GPC5: variants seen among roughly 807,000 people sequenced by gnomAD.
GPC5 encodes the protein glypican 5.
In GPC5, 47 loss-of-function variants were observed where a neutral mutation model predicts 53.9. The observed-to-expected ratio is 0.87, with a 90% CI of 0.69 to 1.11. The LOEUF (loss-of-function observed/expected upper bound fraction) is 1.11. GPC5 is among the 50% of genes most tolerant of loss of function. GPC5 has a pLI of 0.00. For synonymous variants in GPC5, 286 were observed against 263.3 expected (o/e 1.09, Z -0.84); for missense variants, 748 against 713.1 (o/e 1.05, Z -0.56).
intron 7 of GPC5, among the ~76,000 whole-genome samples, chr13:92,652,481 G>T (rs1339260691): frequency 3.9e-5 from 6 of 151,986 alleles, no homozygotes; most frequent in Non-Finnish European, 8.8e-5. Flanking sequence ...AGTTTTCTCT[G>T]CTGGTTCACT....
At chr13:91,755,898 G>C (rs541115088) in intron 4 of GPC5, among the ~76,000 whole-genome samples, 3 of 151,920 alleles carry the variant, frequency 2.0e-5, no homozygotes, top group African/African-American at 7.2e-5. Flanking sequence ...TAGTACTCTC[G>C]TGGTGGCTTA....
rs1566454832 is a variant in GPC5, at chr13:92,144,846, C to G, written c.1418C>G (p.Ser473Ter). 3 of 1,611,304 alleles carry G rather than the reference C, an allele frequency of 1.9e-6. No homozygotes were observed. Among genetic ancestry groups the G allele is most frequent in the East Asian group, 4.5e-5 (2 of 44,542 alleles). Residue 473 changes from serine to a stop codon, truncating the protein, a stop_gained, in exon 7 of 8, where the codon TCA (serine) becomes TGA (stop). Transcript: ENST00000377067. LOFTEE classifies it high-confidence loss of function. ...KHVVQLLQGR[S>*]PKPDKWELLQ... The stretch of plus-strand genomic sequence containing the variant: ...TACAATTAGTTGTTACAGGGTAGAT[C>G]ACCCAAACCTGACAAGTGGGAACTT...
chr13:92,362,657 T>C (rs1001780520), intron 7 of GPC5, among the ~76,000 whole-genome samples: 1 of 151,830 alleles, frequency 6.6e-6, no homozygotes, highest in Non-Finnish European at 1.5e-5. Flanking sequence ...TAGGTTTTGA[T>C]GGCCCTTTGG....
At chr13:92,225,779 T>G (rs2042481456) in intron 7 of GPC5, among the ~76,000 whole-genome samples, 1 of 152,212 alleles carries the variant, frequency 6.6e-6, no homozygotes, top group Admixed American at 6.5e-5. Context: ...ATAAACTTTT[T>G]CAAAGGCCCA....
intron 7 of GPC5, among the ~76,000 whole-genome samples, chr13:92,487,530 C>T (rs1383223671): frequency 6.6e-6 from 1 of 152,120 alleles, no homozygotes; most frequent in Non-Finnish European, 1.5e-5. Flanking sequence ...GACTCCTTCT[C>T]CTACAAAGAA....
intron 2 of GPC5, among the ~76,000 whole-genome samples, chr13:91,618,554 G>A (rs767189397): frequency 1.3e-5 from 2 of 152,052 alleles, no homozygotes; most frequent in Non-Finnish European, 2.9e-5. Context: ...TAAGGACTGC[G>A]GAATTAGAAC....
At chr13:91,923,442 G>T (rs1048395651) in intron 6 of GPC5, among the ~76,000 whole-genome samples, 2 of 152,146 alleles carry the variant, frequency 1.3e-5, no homozygotes, top group African/African-American at 4.8e-5. Context: ...GAATATGCTT[G>T]TAGGGAATCA....
At chr13:91,949,345 G>A (rs1242290785) in intron 6 of GPC5, among the ~76,000 whole-genome samples, 1 of 152,064 alleles carries the variant, frequency 6.6e-6, no homozygotes, top group Non-Finnish European at 1.5e-5. Flanking sequence ...TATTACAAAT[G>A]GTTTTACCAC....
At chr13:92,442,923 T>C (rs975712249) in intron 7 of GPC5, among the ~76,000 whole-genome samples, 5 of 152,144 alleles carry the variant, frequency 3.3e-5, no homozygotes, top group Admixed American at 6.6e-5. Context: ...TCCTGATCCT[T>C]GTTAGAAATA....
intron 7 of GPC5, among the ~76,000 whole-genome samples, chr13:92,403,057 G>A (rs914551453): frequency 6.6e-6 from 1 of 152,100 alleles, no homozygotes; most frequent in Non-Finnish European, 1.5e-5. Flanking sequence ...GACAACTGTA[G>A]CTACAACTCA....
intron 7 of GPC5, among the ~76,000 whole-genome samples, chr13:92,299,638 T>C (rs1256686906): frequency 1.5e-4 from 23 of 152,216 alleles, no homozygotes; most frequent in Non-Finnish European, 2.9e-4. Flanking sequence ...TTTTTTCAGA[T>C]GATCTTTAAC....
At chr13:92,481,107 T>C (rs1167781867) in intron 7 of GPC5, among the ~76,000 whole-genome samples, 1 of 63,988 alleles carries the variant, frequency 1.6e-5, no homozygotes, top group Admixed American at 2.2e-4. Context: ...TTTTTTTGCA[T>C]TTTTTTTTTT....
intron 2 of GPC5, among the ~76,000 whole-genome samples, chr13:91,622,033 G>T (rs2033874627): frequency 6.6e-6 from 1 of 151,974 alleles, no homozygotes. Flanking sequence ...GAAGCATCCA[G>T]CACAGGAGAA....
At chr13:92,683,969 T>C (rs1887179836) in intron 7 of GPC5, among the ~76,000 whole-genome samples, 1 of 152,198 alleles carries the variant, frequency 6.6e-6, no homozygotes, top group Non-Finnish European at 1.5e-5. Flanking sequence ...GTCCAGTATA[T>C]GGATTTTAAT....
intron 7 of GPC5, among the ~76,000 whole-genome samples, chr13:92,618,580 G>T (rs1246059263): frequency 6.6e-6 from 1 of 151,108 alleles, no homozygotes; most frequent in African/African-American, 2.4e-5. Context: ...TTATTCTAAA[G>T]ATTTTCATAA....
intron 6 of GPC5, among the ~76,000 whole-genome samples, chr13:91,937,103 C>T (rs570729080): frequency 2.6e-5 from 4 of 152,134 alleles, no homozygotes; most frequent in Admixed American, 2.6e-4. Flanking sequence ...TACATCTTAT[C>T]TTCCCTAATT....
intron 7 of GPC5, among the ~76,000 whole-genome samples, chr13:92,399,178 T>A (rs955991845): frequency 5.3e-5 from 8 of 152,336 alleles, no homozygotes; most frequent in Middle Eastern, 6.8e-3. Flanking sequence ...ACACGCTATC[T>A]ATGTGTGCTG....
chr13:92,123,680 A>G (rs1218733173), intron 6 of GPC5, among the ~76,000 whole-genome samples: 2 of 152,162 alleles, frequency 1.3e-5, no homozygotes, highest in South Asian at 2.1e-4. Flanking sequence ...AAACAAGGGG[A>G]CAAAACTGAA....
intron 7 of GPC5, among the ~76,000 whole-genome samples, chr13:92,741,639 A>C (rs1889096912): frequency 6.6e-6 from 1 of 152,072 alleles, no homozygotes; most frequent in Admixed American, 6.6e-5. Flanking sequence ...CACAATATGC[A>C]GGTTTGTTAC....
Sources: gnomAD v4.1 joint callset for allele counts (sites outside exome capture counted in the v4.1 genomes callset) on GRCh38, gnomAD v4.1.1 for gene constraint, MANE v1.5 for transcripts, NCBI Gene and HGNC (gene_info 2026-07-23, HGNC 2026-07-21) for gene names.